Variants in KNTC1 observed in about 807,000 individuals in gnomAD.
The protein encoded by KNTC1 is kinetochore-associated protein 1.
A neutral mutation model predicts 314.4 loss-of-function variants in KNTC1; 253 were observed. The ratio of observed to expected loss-of-function variants is 0.80; its 90% CI spans 0.73 to 0.89. The LOEUF (loss-of-function observed/expected upper bound fraction) is 0.89, where lower values mean the gene tolerates loss of function less well. KNTC1 is among the 40% of genes least tolerant of loss of function. The pLI, the probability that KNTC1 is intolerant of heterozygous loss-of-function variation, is 0.00. For synonymous variants in KNTC1, 901 were observed against 901.4 expected (o/e 1.00, Z 0.01); for missense variants, 2,475 against 2,572.9 (o/e 0.96, Z 0.82).
At chr12:122,583,106 T>C (rs571064629) in intron 34 of KNTC1, 121 bp downstream of exon 34, 52 of 853,054 alleles carry the variant, frequency 6.1e-5, no homozygotes, top group Admixed American at 4.6e-4. Context: ...GGTCAGGAGA[T>C]CAAGACCATC....
chr12:122,604,090 C>T (rs1053529243), intron 48 of KNTC1, among the ~76,000 whole-genome samples: 11 of 151,088 alleles, frequency 7.3e-5, no homozygotes, highest in Non-Finnish European at 1.5e-4. Flanking sequence ...CAGACTGACA[C>T]ACACACACAG....
intron 42 of KNTC1, 93 bp from the exon 43 acceptor site, chr12:122,594,183 G>C: frequency 2.8e-6 from 2 of 713,016 alleles, no homozygotes; most frequent in Non-Finnish European, 4.9e-6. Context: ...TTTGAAAAAG[G>C]ATACTAAGAA....
At chr12:122,545,950 TAAA>T (rs11463721) in intron 8 of KNTC1, among the ~76,000 whole-genome samples, 1 of 145,156 alleles carries the variant, frequency 6.9e-6, no homozygotes, top group Admixed American at 6.9e-5. Context: ...TGTCTCAAAT[TAAA>T]AAAAAAAAAA....
At chr12:122,562,251 A>ATG (rs1964021708) in intron 19 of KNTC1, among the ~76,000 whole-genome samples, 1 of 152,198 alleles carries the variant, frequency 6.6e-6, no homozygotes, top group Non-Finnish European at 1.5e-5. Context: ...GCTAAAATAC[A>ATG]TGTGTGTGTG....
chr12:122,591,477 C>A, intron 42 of KNTC1, 24 bp downstream of exon 42: 2 of 1,141,410 alleles, frequency 1.8e-6, no homozygotes, highest in South Asian at 2.6e-5. Context: ...GTACTGCTGT[C>A]ATCGATTCTG....
Position 122,547,958 on chromosome 12 carries a change from G to A in KNTC1, c.976G>A (p.Ala326Thr), listed in dbSNP as rs116477881. The A allele has an allele frequency of 6.4e-7, 1 of 1,550,478 alleles. No homozygotes were observed. Residue 326 changes from alanine (A) to threonine (T), a missense_variant, in exon 12 of 64, where the codon GCT becomes ACT. Transcript: ENST00000333479. ...NLKLIALTASANKKMKNLMVY... is the reference protein window; with the variant it reads ...NLKLIALTASTNKKMKNLMVY... ...CAAATTAATAGCTCTGACAGCTTCA[G>A]CTAATAAGAAGGTATTGGAAAATTT...
intron 1 of KNTC1, among the ~76,000 whole-genome samples, chr12:122,528,369 T>C (rs749164201): frequency 6.6e-6 from 1 of 152,222 alleles, no homozygotes; most frequent in Non-Finnish European, 1.5e-5. Flanking sequence ...AAAACTATGA[T>C]CTTCAATTCT....
chr12:122,580,708 C>A (rs374186629), intron 33 of KNTC1, 38 bp downstream of exon 33: 1 of 1,347,554 alleles, frequency 7.4e-7, no homozygotes, highest in South Asian at 1.3e-5. Context: ...TATTACTTGA[C>A]CAATCAGTGC....
At chr12:122,617,305 T>C (rs1873869225) in intron 57 of KNTC1, 1 of 361,262 alleles carries the variant, frequency 2.8e-6, no homozygotes, top group South Asian at 2.1e-5. Context: ...TGCTTGATTA[T>C]TCTCCAGAAT....
chr12:122,562,552 A>C, intron 19 of KNTC1, 86 bp from the exon 20 acceptor site: 2 of 856,392 alleles, frequency 2.3e-6, no homozygotes, highest in Admixed American at 4.1e-5. Flanking sequence ...GTGTATAGAC[A>C]TGTGAAATGT....
intron 63 of KNTC1, 88 bp from the exon 64 acceptor site, chr12:122,626,117 C>A: frequency 1.1e-6 from 1 of 891,938 alleles, no homozygotes; most frequent in East Asian, 2.6e-5. Context: ...TGTATCACTT[C>A]ACTTAAGTTC....
chr12:122,576,296 C>T (rs529582213), intron 29 of KNTC1, among the ~76,000 whole-genome samples: 12 of 152,044 alleles, frequency 7.9e-5, no homozygotes, highest in African/African-American at 1.4e-4. Context: ...CTTGAGCTCC[C>T]GACCTCAGGT....
chr12:122,551,411 T>C, intron 14 of KNTC1, 47 bp from the exon 15 acceptor site: 2 of 1,560,158 alleles, frequency 1.3e-6, no homozygotes, highest in Non-Finnish European at 1.7e-6. Flanking sequence ...AAATTTTACG[T>C]ATTAATATTA....
At chr12:122,569,999 G>A (rs1207404097) in intron 22 of KNTC1, among the ~76,000 whole-genome samples, 175 bp downstream of exon 22, 1 of 152,174 alleles carries the variant, frequency 6.6e-6, no homozygotes, top group East Asian at 1.9e-4. Flanking sequence ...GTTATCATTT[G>A]CAACAATATA....
Position 122,573,267 on chromosome 12 carries a change from T to G in KNTC1, c.2265T>G (p.Leu755=). The change falls in exon 26 of 64, where the codon CTT becomes CTG. Residue 755 remains leucine (L), a synonymous_variant. Coordinates refer to ENST00000333479, the MANE Select transcript of KNTC1 (RefSeq NM_014708.6). ...AACATGACTTGCAAGAGGAGGAACT[T>G]CTCTTGCTGTACATAGAGGTAACTT... is the stretch of plus-strand genomic sequence containing the variant. ...MREHDLQEEE[L]LLLYIEDLLN... The G allele has an allele frequency of 1.9e-6, 3 of 1,613,514 alleles. No homozygotes were observed. Among genetic ancestry groups the G allele is most frequent in the Admixed American group, 3.3e-5 (2 of 59,996 alleles).
rs746020563 is a variant in KNTC1 at position 122,618,571 on chromosome 12, A to G, written c.6149+26A>G. The stretch of plus-strand genomic sequence containing the variant: ...GTAAGCAAAATATTTGTTCTACCAA[A>G]AAAAAAAAAAGTTTGTTGCTTATAA... On this transcript the variant is annotated intron_variant, in intron 59 of 63. Coordinates refer to ENST00000333479, the MANE Select transcript of KNTC1 (RefSeq NM_014708.6). The G allele has an allele frequency of 1.9e-6, 3 of 1,564,106 alleles. No homozygotes were observed. The South Asian group carries it at 3.4e-5, about 18-fold the overall frequency.
intron 61 of KNTC1, 103 bp from the exon 62 acceptor site, chr12:122,622,359 G>A: frequency 2.2e-5 from 24 of 1,073,740 alleles, no homozygotes; most frequent in Non-Finnish European, 3.2e-5. Context: ...TGTCAGAAAT[G>A]TTTTGATATT....
chr12:122,620,792 A>C (rs1874345901), intron 60 of KNTC1, among the ~76,000 whole-genome samples, 184 bp downstream of exon 60: 1 of 152,226 alleles, frequency 6.6e-6, no homozygotes, highest in Non-Finnish European at 1.5e-5. Flanking sequence ...GGTCCAGCTG[A>C]GGGCTGTCTT....
At chr12:122,556,309 C>T (rs901096003) in intron 16 of KNTC1, among the ~76,000 whole-genome samples, 1 of 151,856 alleles carries the variant, frequency 6.6e-6, no homozygotes, top group Non-Finnish European at 1.5e-5. Context: ...TGCGCCACCA[C>T]GCCTGGCTCT....
Sources: gnomAD v4.1 joint callset for allele counts (sites outside exome capture counted in the v4.1 genomes callset) on GRCh38, gnomAD v4.1.1 for gene constraint, MANE v1.5 for transcripts, NCBI Gene and HGNC (gene_info 2026-07-23, HGNC 2026-07-21) for gene names.